PBX1: variants seen among roughly 807,000 people sequenced by gnomAD.
The protein encoded by PBX1 is PBX homeobox 1.
A neutral mutation model predicts 53.4 loss-of-function variants in PBX1; 6 were observed. That is an observed-to-expected ratio of 0.11 (90% CI 0.06 to 0.22). The LOEUF (loss-of-function observed/expected upper bound fraction) is 0.22. PBX1 is among the 10% of genes least tolerant of loss of function. PBX1 has a pLI of 1.00. For missense variants in PBX1, 251 were observed against 551.4 expected (o/e 0.46, Z 5.46); for synonymous variants, 204 against 212.3 (o/e 0.96, Z 0.34).
chr1:164,772,459 C>T (rs1667421546), intron 2 of PBX1, among the ~76,000 whole-genome samples: 1 of 152,318 alleles, frequency 6.6e-6, no homozygotes, highest in South Asian at 2.1e-4. Context: ...TTATAAAACT[C>T]ACAACTGGTC....
At chr1:164,839,134 T>C (rs1020839975) in intron 8 of PBX1, among the ~76,000 whole-genome samples, 1 of 152,190 alleles carries the variant, frequency 6.6e-6, no homozygotes, top group Non-Finnish European at 1.5e-5. Context: ...TTGTCTGTTT[T>C]CTGTTCACCT....
At chr1:164,633,365 G>C (rs1398288120) in intron 2 of PBX1, among the ~76,000 whole-genome samples, 1 of 152,098 alleles carries the variant, frequency 6.6e-6, no homozygotes, top group Admixed American at 6.6e-5. Flanking sequence ...GGCCAGGCTG[G>C]TCTCGAACTC....
chr1:164,744,623 G>A (rs1184911934), intron 2 of PBX1, among the ~76,000 whole-genome samples: 2 of 152,164 alleles, frequency 1.3e-5, no homozygotes, highest in East Asian at 3.9e-4. Flanking sequence ...AGCTAGAAGA[G>A]TGCCTGGCAC....
intron 2 of PBX1, among the ~76,000 whole-genome samples, chr1:164,880,785 A>G (rs1005010274): frequency 7.2e-5 from 11 of 152,350 alleles, no homozygotes; most frequent in Non-Finnish European, 1.2e-4. Context: ...TGTACATACC[A>G]GAGAGCACTA....
intron 2 of PBX1, among the ~76,000 whole-genome samples, chr1:164,629,002 C>T (rs1238613464): frequency 6.6e-6 from 1 of 152,162 alleles, no homozygotes; most frequent in Non-Finnish European, 1.5e-5. Flanking sequence ...AGCAGGATGA[C>T]ATCTCACGCA....
intron 1 of PBX1, among the ~76,000 whole-genome samples, chr1:164,561,682 T>G (rs997122408): frequency 1.3e-5 from 2 of 152,180 alleles, no homozygotes; most frequent in African/African-American, 4.8e-5. Context: ...TCTCTCTTCT[T>G]TTGTGAAACT....
chr1:164,653,103 G>A (rs1659935232), intron 2 of PBX1, among the ~76,000 whole-genome samples: 1 of 152,010 alleles, frequency 6.6e-6, no homozygotes, highest in Non-Finnish European at 1.5e-5. Context: ...CTGACCTCAA[G>A]TGATCTGCCC....
chr1:164,636,200 T>C (rs1438434751), intron 2 of PBX1, among the ~76,000 whole-genome samples: 2 of 152,052 alleles, frequency 1.3e-5, no homozygotes, highest in African/African-American at 4.8e-5. Context: ...TAGATTTTAT[T>C]TATATTGCAC....
intron 2 of PBX1, chr1:164,641,625 GA>G (rs1192555742): frequency 1.3e-5 from 2 of 152,242 alleles, no homozygotes; most frequent in Admixed American, 1.3e-4. Context: ...AGTTAATGAA[GA>G]AGACACAAGG....
At chr1:164,689,217 T>G (rs2102017907) in intron 2 of PBX1, among the ~76,000 whole-genome samples, 1 of 152,352 alleles carries the variant, frequency 6.6e-6, no homozygotes, top group South Asian at 2.1e-4. Flanking sequence ...TCAAAACATG[T>G]TGGTGGAAGA....
intron 2 of PBX1, among the ~76,000 whole-genome samples, chr1:164,778,649 A>C (rs77664526): frequency 3.4e-5 from 5 of 147,626 alleles, no homozygotes; most frequent in African/African-American, 1.3e-4. Context: ...AAAAAAAAAA[A>C]AGAAGAACAG....
intron 2 of PBX1, among the ~76,000 whole-genome samples, chr1:164,629,035 T>C (rs1218159698): frequency 2.0e-5 from 3 of 152,148 alleles, no homozygotes. Context: ...TCAGTGCTTG[T>C]TTGGACTGAC....
At chr1:164,686,994 CA>C (rs1391424816) in intron 2 of PBX1, among the ~76,000 whole-genome samples, 15 of 151,744 alleles carry the variant, frequency 9.9e-5, no homozygotes, top group African/African-American at 3.4e-4. Flanking sequence ...AAAACAAAAC[CA>C]AATGAGTGAT....
intron 2 of PBX1, among the ~76,000 whole-genome samples, chr1:164,779,092 G>T (rs2102269919): frequency 6.7e-6 from 1 of 150,154 alleles, no homozygotes; most frequent in East Asian, 2.0e-4. Flanking sequence ...CCCCCAGGCT[G>T]GAGTGCAGTG....
intron 2 of PBX1, among the ~76,000 whole-genome samples, chr1:164,705,506 CCTTG>C (rs1308944459): frequency 6.6e-6 from 1 of 152,082 alleles, no homozygotes; most frequent in East Asian, 1.9e-4. Context: ...GAAGGAGATG[CCTTG>C]CTTGCTTACT....
At chr1:164,825,054 C>G (rs1670383930) in intron 8 of PBX1, among the ~76,000 whole-genome samples, 1 of 152,178 alleles carries the variant, frequency 6.6e-6, no homozygotes, top group Admixed American at 6.5e-5. Context: ...CTGGGCCCAG[C>G]CTTCCTGTCC....
At chr1:164,741,423 G>T (rs1665594842) in intron 2 of PBX1, among the ~76,000 whole-genome samples, 1 of 152,190 alleles carries the variant, frequency 6.6e-6, no homozygotes, top group Admixed American at 6.5e-5. Context: ...AGCCAGAAAG[G>T]TCTTTTAAGT....
chr1:164,761,988 T>A (rs1208157356), intron 2 of PBX1, among the ~76,000 whole-genome samples: 1 of 152,204 alleles, frequency 6.6e-6, no homozygotes, highest in Non-Finnish European at 1.5e-5. Context: ...ATTGATATTG[T>A]ATTAGATTAC....
At chr1:164,653,198 CAT>C (rs535050319) in intron 2 of PBX1, among the ~76,000 whole-genome samples, 1 of 152,168 alleles carries the variant, frequency 6.6e-6, no homozygotes, top group Non-Finnish European at 1.5e-5. Context: ...AATTACACAA[CAT>C]GTGTACTTTT....
Sources: allele counts gnomAD v4.1 joint callset (sites outside exome capture counted in the v4.1 genomes callset), GRCh38; gene constraint gnomAD v4.1.1; transcripts MANE v1.5; gene names NCBI Gene and HGNC (gene_info 2026-07-23, HGNC 2026-07-21).